Variants in FAM171A1 observed in about 807,000 individuals in gnomAD.
FAM171A1 encodes the protein protein FAM171A1.
Under a neutral mutation model 74.9 loss-of-function variants are expected in FAM171A1, and 23 were observed. The observed-to-expected ratio is 0.31, with a 90% confidence interval of 0.22 to 0.44. FAM171A1 has a LOEUF of 0.44. Ranked by LOEUF, FAM171A1 falls within the 20% of genes least tolerant of loss-of-function variation. FAM171A1 has a pLI of 1.00. For missense variants in FAM171A1, 1,162 were observed against 1,159.2 expected, an observed-to-expected ratio of 1.00 and a Z score of -0.03; for synonymous variants, 527 against 505.7, an observed-to-expected ratio of 1.04 and a Z score of -0.57.
intron 1 of FAM171A1, among the ~76,000 whole-genome samples, chr10:15,362,088 A>G (rs1379496831): frequency 6.6e-6 from 1 of 152,222 alleles, no homozygotes; most frequent in Non-Finnish European, 1.5e-5. Flanking sequence ...TATATATTTC[A>G]TATAAAAGTA....
intron 1 of FAM171A1, among the ~76,000 whole-genome samples, chr10:15,353,430 T>A (rs1835900635): frequency 6.6e-6 from 1 of 152,170 alleles, no homozygotes; most frequent in South Asian, 2.1e-4. Flanking sequence ...AATATTGACA[T>A]AATGATAGAT....
chr10:15,303,925 T>C (rs775288105), intron 1 of FAM171A1, among the ~76,000 whole-genome samples: 96 of 152,234 alleles, frequency 6.3e-4, no homozygotes, highest in Non-Finnish European at 8.5e-4. Context: ...GGCCCATTGC[T>C]GACCTGCCCT....
intron 1 of FAM171A1, among the ~76,000 whole-genome samples, chr10:15,344,056 T>C (rs1835794019): frequency 6.6e-6 from 1 of 152,190 alleles, no homozygotes; most frequent in Admixed American, 6.5e-5. Context: ...TGTGATCTCA[T>C]CTCTGCAACT....
chr10:15,367,051 T>C (rs1040806788), intron 1 of FAM171A1, among the ~76,000 whole-genome samples: 7 of 151,894 alleles, frequency 4.6e-5, no homozygotes, highest in Admixed American at 2.0e-4. Flanking sequence ...ACAAAAAAAA[T>C]AGCCAGGCGT....
chr10:15,350,553 G>A (rs1835865593), intron 1 of FAM171A1, among the ~76,000 whole-genome samples: 1 of 151,808 alleles, frequency 6.6e-6, no homozygotes, highest in Non-Finnish European at 1.5e-5. Flanking sequence ...GTGTTAGCCA[G>A]GATGGTCTCG....
At chr10:15,252,771 G>A (rs1055516692) in intron 4 of FAM171A1, among the ~76,000 whole-genome samples, 1 of 152,146 alleles carries the variant, frequency 6.6e-6, no homozygotes, top group Non-Finnish European at 1.5e-5. Context: ...TTGAAATCAC[G>A]GAATGATCTT....
intron 1 of FAM171A1, among the ~76,000 whole-genome samples, chr10:15,319,621 C>T (rs1835463179): frequency 1.3e-5 from 2 of 152,004 alleles, no homozygotes; most frequent in South Asian, 2.1e-4. Context: ...TTTGTAGAGA[C>T]GGGGTTTCAC....
chr10:15,246,977 A>T (rs1460029685), intron 5 of FAM171A1, among the ~76,000 whole-genome samples: 1 of 152,242 alleles, frequency 6.6e-6, no homozygotes, highest in African/African-American at 2.4e-5. Flanking sequence ...ATCTGGAAAT[A>T]TGTTTTAAAA....
chr10:15,215,445 AACCTCC>A (rs1420698528), intron 7 of FAM171A1, among the ~76,000 whole-genome samples: 1 of 152,064 alleles, frequency 6.6e-6, no homozygotes, highest in Non-Finnish European at 1.5e-5. Context: ...GGCTCACTGC[AACCTCC>A]ACCTTCTGGG....
At chr10:15,302,273 G>A (rs1835238943) in intron 1 of FAM171A1, among the ~76,000 whole-genome samples, 2 of 152,044 alleles carry the variant, frequency 1.3e-5, no homozygotes, top group African/African-American at 2.4e-5. Context: ...AGACCAGCCT[G>A]GTCAACATGG....
At chr10:15,362,926 T>C (rs1404984605) in intron 1 of FAM171A1, among the ~76,000 whole-genome samples, 1 of 152,220 alleles carries the variant, frequency 6.6e-6, no homozygotes, top group Non-Finnish European at 1.5e-5. Context: ...AGGTGAGAAT[T>C]GCAAAATAAT....
At chr10:15,281,939 T>A (rs1834975747) in intron 2 of FAM171A1, among the ~76,000 whole-genome samples, 1 of 152,198 alleles carries the variant, frequency 6.6e-6, no homozygotes, top group Admixed American at 6.5e-5. Flanking sequence ...AAAATGAATG[T>A]GATCAAAGTG....
At chr10:15,266,758 A>G (rs1325497986) in intron 3 of FAM171A1, among the ~76,000 whole-genome samples, 2 of 151,572 alleles carry the variant, frequency 1.3e-5, no homozygotes, top group African/African-American at 4.9e-5. Context: ...GGTAACAGCT[A>G]CTCAGGAGGC....
chr10:15,292,479 A>T (rs1021916757), intron 1 of FAM171A1, among the ~76,000 whole-genome samples: 14 of 151,990 alleles, frequency 9.2e-5, no homozygotes, highest in African/African-American at 2.9e-4. Flanking sequence ...TTCCCTGGAA[A>T]TTTTTTGCTG....
At chr10:15,252,715 C>T (rs1042972852) in intron 4 of FAM171A1, among the ~76,000 whole-genome samples, 32 of 152,278 alleles carry the variant, frequency 2.1e-4, no homozygotes, top group African/African-American at 7.0e-4. Flanking sequence ...CCATTCTTTC[C>T]GTGGAAGAGA....
At chr10:15,217,955 A>G (rs569118865) in intron 6 of FAM171A1, among the ~76,000 whole-genome samples, 1 of 152,156 alleles carries the variant, frequency 6.6e-6, no homozygotes. Flanking sequence ...TTTCATGCAA[A>G]GACAATAGAC....
intron 5 of FAM171A1, among the ~76,000 whole-genome samples, chr10:15,225,116 C>T (rs940524983): frequency 1.3e-5 from 2 of 152,208 alleles, no homozygotes; most frequent in African/African-American, 4.8e-5. Context: ...TAGCCTGTGG[C>T]CCTCAGTCTT....
intron 1 of FAM171A1, among the ~76,000 whole-genome samples, chr10:15,299,753 C>T (rs983041163): frequency 6.6e-6 from 1 of 151,910 alleles, no homozygotes; most frequent in Non-Finnish European, 1.5e-5. Flanking sequence ...GCGAGGTGGG[C>T]GGATCATGAG....
At chr10:15,294,968 T>C (rs183596519) in intron 1 of FAM171A1, among the ~76,000 whole-genome samples, 19 of 152,324 alleles carry the variant, frequency 1.2e-4, no homozygotes, top group African/African-American at 3.6e-4. Context: ...CAGGCTGGAG[T>C]GCAGTGGCGC....
Sources: allele counts gnomAD v4.1 joint callset (sites outside exome capture counted in the v4.1 genomes callset), GRCh38; gene constraint gnomAD v4.1.1; transcripts MANE v1.5; gene names NCBI Gene and HGNC (gene_info 2026-07-23, HGNC 2026-07-21).